CNTN6: variants seen among roughly 807,000 people sequenced by gnomAD.
CNTN6 encodes the protein contactin 6.
A neutral mutation model predicts 122.8 loss-of-function variants in CNTN6; 137 were observed. The ratio of observed to expected loss-of-function variants is 1.12; its 90% confidence interval spans 0.97 to 1.29. CNTN6 has a LOEUF of 1.29. Among genes scored for constraint, CNTN6 ranks in the 50% most tolerant of loss-of-function variants. The pLI is 0.00. For synonymous variants in CNTN6, 570 were observed against 426.0 expected, an observed-to-expected ratio of 1.34 and a Z score of -4.16; for missense variants, 1,634 against 1,223.4, an observed-to-expected ratio of 1.34 and a Z score of -5.01.
At chr3:1,104,418 T>A (rs1163747302) in intron 1 of CNTN6, among the ~76,000 whole-genome samples, 2 of 151,726 alleles carry the variant, frequency 1.3e-5, no homozygotes, top group East Asian at 3.8e-4. Context: ...ATTATACACA[T>A]GTTTATGGAA....
At chr3:1,099,180 A>C (rs34034094) in intron 1 of CNTN6, among the ~76,000 whole-genome samples, 1 of 152,152 alleles carries the variant, frequency 6.6e-6, no homozygotes, top group Non-Finnish European at 1.5e-5. Context: ...CGCCGGGCTC[A>C]GTGGCTCACG....
At chr3:1,356,216 G>C (rs1359474173) in intron 12 of CNTN6, among the ~76,000 whole-genome samples, 1 of 151,780 alleles carries the variant, frequency 6.6e-6, no homozygotes, top group Non-Finnish European at 1.5e-5. Context: ...GTAACAGCAG[G>C]CTATAAAAAT....
At chr3:1,218,359 G>T (rs1349420900) in intron 2 of CNTN6, among the ~76,000 whole-genome samples, 2 of 152,142 alleles carry the variant, frequency 1.3e-5, no homozygotes, top group Admixed American at 1.3e-4. Flanking sequence ...GAGAAAGCGA[G>T]AAAGCTATCC....
chr3:1,264,654 A>G (rs2094898787), intron 4 of CNTN6, among the ~76,000 whole-genome samples: 1 of 152,124 alleles, frequency 6.6e-6, no homozygotes, highest in Non-Finnish European at 1.5e-5. Flanking sequence ...AGATTATGGA[A>G]TGGTTAAATC....
intron 1 of CNTN6, among the ~76,000 whole-genome samples, chr3:1,128,691 C>T (rs142640763): frequency 5.9e-4 from 90 of 151,966 alleles, no homozygotes; most frequent in African/African-American, 2.0e-3. Flanking sequence ...TTTCCTTTTC[C>T]TTTTGAGTGC....
chr3:1,311,545 T>A (rs903567266), intron 7 of CNTN6, among the ~76,000 whole-genome samples: 3 of 147,674 alleles, frequency 2.0e-5, no homozygotes, highest in Non-Finnish European at 3.0e-5. Context: ...CATATAAATG[T>A]CTATGTGTAT....
intron 4 of CNTN6, among the ~76,000 whole-genome samples, chr3:1,265,070 A>C (rs1575476286): frequency 1.4e-5 from 1 of 72,546 alleles, no homozygotes; most frequent in Non-Finnish European, 2.7e-5. Flanking sequence ...TTTTGGCTGG[A>C]TAGGGATAGT....
chr3:1,098,258 TAAAA>T (rs72483697), intron 1 of CNTN6, among the ~76,000 whole-genome samples: 34 of 150,622 alleles, frequency 2.3e-4, no homozygotes, highest in Non-Finnish European at 4.4e-4. Context: ...AAAATAAAAA[TAAAA>T]AAAAGAGAAA....
At chr3:1,152,435 G>A (rs987922242) in intron 2 of CNTN6, among the ~76,000 whole-genome samples, 3 of 151,940 alleles carry the variant, frequency 2.0e-5, no homozygotes, top group South Asian at 4.1e-4. Context: ...CATCACAACC[G>A]GTCCAGAAAT....
In CNTN6 at chr3:1,210,732, G is replaced by T. The variant is rs116852603; in HGVS notation, c.56-9955G>T. On this transcript the variant is annotated intron_variant, in intron 2 of 22. Transcript: ENST00000446702. ...AATTATTTAATGTCTTTAAGTTTTA[G>T]TCAGGTTCAACTACATCATTTGCAG... 2.9e-3 allele frequency among the ~76,000 whole-genome samples: 441 copies of T among 152,254 alleles called. 7 individuals are homozygous for T. Among genetic ancestry groups the T allele is most frequent in the East Asian group, 4.6e-3 (24 of 5,178 alleles).
chr3:1,245,229 T>TATAAC (rs2094549987), intron 4 of CNTN6, among the ~76,000 whole-genome samples: 1 of 12,172 alleles, frequency 8.2e-5, no homozygotes, highest in Non-Finnish European at 1.6e-4. Context: ...TATATATATA[T>TATAAC]ATATATACAC....
At chr3:1,350,102 A>G (rs1705391376) in intron 11 of CNTN6, among the ~76,000 whole-genome samples, 1 of 151,898 alleles carries the variant, frequency 6.6e-6, no homozygotes, top group Non-Finnish European at 1.5e-5. Flanking sequence ...TGAAGTAAAG[A>G]AAAAATTTTC....
chr3:1,126,549 C>A (rs2092167541), intron 1 of CNTN6, among the ~76,000 whole-genome samples: 1 of 151,858 alleles, frequency 6.6e-6, no homozygotes, highest in Admixed American at 6.6e-5. Context: ...TGTAACTCTG[C>A]CTATTTTCCT....
chr3:1,276,428 G>C (rs559823928), intron 4 of CNTN6, among the ~76,000 whole-genome samples: 54 of 152,120 alleles, frequency 3.5e-4, no homozygotes, highest in Non-Finnish European at 7.1e-4. Context: ...GATGTGCGCT[G>C]CTGTATTATT....
intron 4 of CNTN6, among the ~76,000 whole-genome samples, chr3:1,258,682 C>G (rs1050110233): frequency 6.6e-6 from 1 of 152,056 alleles, no homozygotes; most frequent in Non-Finnish European, 1.5e-5. Context: ...CTCGTGTCAC[C>G]TTTTTAATAT....
At chr3:1,104,376 T>A (rs1263735769) in intron 1 of CNTN6, among the ~76,000 whole-genome samples, 4 of 152,258 alleles carry the variant, frequency 2.6e-5, no homozygotes, top group East Asian at 1.9e-4. Context: ...TATTCTGGGT[T>A]TTTCAGAGGA....
chr3:1,329,706 C>G, intron 10 of CNTN6, 79 bp from the exon 11 acceptor site: 1 of 1,239,104 alleles, frequency 8.1e-7, no homozygotes, highest in Non-Finnish European at 1.1e-6. Context: ...TAGATTCTGT[C>G]TAGCATAGCA....
At chr3:1,339,217 A>G (rs1703535794) in intron 11 of CNTN6, among the ~76,000 whole-genome samples, 1 of 152,108 alleles carries the variant, frequency 6.6e-6, no homozygotes, top group African/African-American at 2.4e-5. Flanking sequence ...CGGAGGGAGA[A>G]CCAGAACCCC....
intron 9 of CNTN6, among the ~76,000 whole-genome samples, chr3:1,326,840 T>C (rs1701611352): frequency 6.6e-6 from 1 of 151,920 alleles, no homozygotes; most frequent in African/African-American, 2.4e-5. Context: ...TAGAGGATGG[T>C]AATACATGCC....
Sources: gnomAD v4.1 joint callset for allele counts (sites outside exome capture counted in the v4.1 genomes callset) on GRCh38, gnomAD v4.1.1 for gene constraint, MANE v1.5 for transcripts, NCBI Gene and HGNC (gene_info 2026-07-23, HGNC 2026-07-21) for gene names.